NNMT: variants seen among roughly 807,000 people sequenced by gnomAD.
NNMT encodes the protein nicotinamide N-methyltransferase.
In NNMT, 10 loss-of-function variants were observed where a neutral mutation model predicts 11.7. That is an observed-to-expected ratio of 0.85 (90% confidence interval 0.53 to 1.45). The LOEUF (loss-of-function observed/expected upper bound fraction) is 1.45. NNMT is among the 40% of genes most tolerant of loss of function. NNMT has a pLI of 0.00. For missense variants in NNMT, 381 were observed against 319.4 expected (o/e 1.19, Z -1.47); for synonymous variants, 143 against 133.8 (o/e 1.07, Z -0.48).
chr11:114,274,745 G>A (rs1028065445), intron 2 of NNMT, among the ~76,000 whole-genome samples: 2 of 152,234 alleles, frequency 1.3e-5, no homozygotes, highest in African/African-American at 4.8e-5. Context: ...GCCAAGATCT[G>A]AGCCCAAGCA....
upstream of NNMT, among the ~76,000 whole-genome samples, chr11:114,294,059 C>T (rs912152097): frequency 1.3e-5 from 2 of 152,108 alleles, no homozygotes; most frequent in African/African-American, 4.8e-5. Context: ...TGCATGTTCT[C>T]ACTTATTTAT....
chr11:114,291,866 A>G (rs957622351), upstream of NNMT, among the ~76,000 whole-genome samples: 3 of 152,080 alleles, frequency 2.0e-5, no homozygotes, highest in Non-Finnish European at 4.4e-5. Flanking sequence ...ACTAAATTTT[A>G]TATTAATAAT....
chr11:114,296,728 A>C lies in NNMT; in HGVS notation c.154+18A>C. On this transcript the variant is annotated intron_variant, in intron 1 of 2. Coordinates refer to ENST00000299964, the MANE Select transcript of NNMT (RefSeq NM_006169.3). ...CTGCCTAGGTAAGTCTGTTGTCTGC[A>C]TGTCTCCCCACTAATGTGAGTCATA... The C allele has an allele frequency of 1.2e-6, 2 of 1,613,356 alleles. No individual in the cohort carries two copies. Among genetic ancestry groups the C allele is most frequent in the African/African-American group, 1.3e-5 (1 of 75,028 alleles).
chr11:114,281,163 T>A (rs550017119), intron 2 of NNMT, among the ~76,000 whole-genome samples: 12 of 152,244 alleles, frequency 7.9e-5, no homozygotes, highest in African/African-American at 2.6e-4. Flanking sequence ...CTCTCTGCTG[T>A]AGTAAAAACC....
upstream of NNMT, among the ~76,000 whole-genome samples, chr11:114,292,850 C>T (rs1229074138): frequency 6.6e-6 from 1 of 152,104 alleles, no homozygotes; most frequent in African/African-American, 2.4e-5. Flanking sequence ...TATGCTATAT[C>T]ACCACTATGT....
At chr11:114,294,424 GC>G (rs1293087256), upstream of NNMT, among the ~76,000 whole-genome samples, 1 of 147,360 alleles carries the variant, frequency 6.8e-6, no homozygotes, top group Non-Finnish European at 1.5e-5. Flanking sequence ...GTTGCAGTGA[GC>G]TGAGATCGCG....
In NNMT at chr11:114,312,893, C is replaced by G. The variant is rs1945567667; in HGVS notation, c.*416C>G. ...CTATTCTTTAACTCTTGCCTTCTCC[C>G]TGGAGAGGCTACCAAACCCTGGCCT... On this transcript the variant is annotated 3_prime_UTR_variant, in exon 3 of 3. Transcript: ENST00000299964. The G allele has an allele frequency of 5.9e-6, 1 of 168,402 alleles. No homozygotes were observed. The highest frequency in any genetic ancestry group is 2.4e-5 in the African/African-American group (1 of 41,922). The allele number at this position is 168,402 out of a possible 1,614,324, so 10.4% of individuals were successfully genotyped here.
At chr11:114,259,297 C>T (rs1035807078) in intron 1 of NNMT, among the ~76,000 whole-genome samples, 3 of 151,986 alleles carry the variant, frequency 2.0e-5, no homozygotes, top group South Asian at 2.1e-4. Flanking sequence ...ACATCACATG[C>T]CCGCTCGGGC....
At chr11:114,281,096 T>C (rs182635340) in intron 2 of NNMT, among the ~76,000 whole-genome samples, 135 of 152,260 alleles carry the variant, frequency 8.9e-4, no homozygotes, top group Non-Finnish European at 1.5e-3. Flanking sequence ...GCTGCCTGGA[T>C]GACAGACCGA....
rs542693002 is a variant in NNMT, at chr11:114,307,699, A to G, written c.363-4346A>G. On this transcript the variant is annotated intron_variant, in intron 2 of 2. Coordinates refer to ENST00000299964, the MANE Select transcript of NNMT (RefSeq NM_006169.3). ...CTGCCAACCTATTTCCCCACAATCCAGCCACGTTGGCTCTCTCCTCCTGTG... is the reference window on the plus strand; with the variant it reads ...CTGCCAACCTATTTCCCCACAATCCGGCCACGTTGGCTCTCTCCTCCTGTG... Among the ~76,000 whole-genome samples the G allele has an allele frequency of 2.1e-4, 32 of 152,042 alleles. No individual in the cohort carries two copies. In the East Asian group the frequency reaches 4.7e-3, roughly 22 times the overall value.
intron 2 of NNMT, among the ~76,000 whole-genome samples, chr11:114,274,247 TCGATACTGA>T (rs1441867837): frequency 3.3e-5 from 5 of 152,274 alleles, no homozygotes; most frequent in African/African-American, 1.2e-4. Context: ...GAGCCATGCT[TCGATACTGA>T]CGATTTAGAA....
Position 114,312,649 on chromosome 11 carries a change from G to A in NNMT, c.*172G>A. 1 of 604,696 alleles carries A rather than the reference G, an allele frequency of 1.7e-6. No individual in the cohort carries two copies. The highest frequency in any genetic ancestry group is 2.9e-6 in the Non-Finnish European group (1 of 348,478). The allele number at this position is 604,696 out of a possible 1,614,324, so 37.5% of individuals were successfully genotyped here. ...CAAGCAATCCATTGACCACTTACTT[G>A]GTGCTGCACACAAATGTTGGTGCTA... is the stretch of plus-strand genomic sequence containing the variant. On this transcript the variant is annotated 3_prime_UTR_variant, in exon 3 of 3. Coordinates refer to ENST00000299964, the MANE Select transcript of NNMT (RefSeq NM_006169.3).
chr11:114,279,961 G>A (rs1037034303), intron 2 of NNMT, among the ~76,000 whole-genome samples: 1 of 152,140 alleles, frequency 6.6e-6, no homozygotes, highest in Admixed American at 6.6e-5. Flanking sequence ...AGGTGGTGGT[G>A]GACTAGGGCG....
intron 2 of NNMT, among the ~76,000 whole-genome samples, chr11:114,301,425 A>G (rs753113825): frequency 6.6e-5 from 10 of 152,238 alleles, no homozygotes; most frequent in Non-Finnish European, 1.2e-4. Flanking sequence ...AGACAATGGA[A>G]TAATATCCAG....
At chr11:114,307,098 T>A (rs1294840493) in intron 2 of NNMT, among the ~76,000 whole-genome samples, 1 of 152,148 alleles carries the variant, frequency 6.6e-6, no homozygotes, top group Non-Finnish European at 1.5e-5. Flanking sequence ...CAAGGATGCC[T>A]CTCTCTTAAA....
chr11:114,258,335 G>T (rs505978), intron 1 of NNMT, among the ~76,000 whole-genome samples: 48,154 of 152,164 alleles, frequency 0.32, 7,982 homozygotes, highest in East Asian at 0.55. Flanking sequence ...CCTCCCAGTC[G>T]CTCTGAGGAA....
intron 2 of NNMT, chr11:114,269,363 A>G (rs1042647135): frequency 6.6e-6 from 1 of 152,082 alleles, no homozygotes; most frequent in African/African-American, 2.4e-5. Context: ...AGAAAATCCA[A>G]CTTCTGGGCA....
At chr11:114,289,911 T>C (rs1237987447) in intron 2 of NNMT, among the ~76,000 whole-genome samples, 1 of 152,302 alleles carries the variant, frequency 6.6e-6, no homozygotes, top group Non-Finnish European at 1.5e-5. Flanking sequence ...AAGTACAAGA[T>C]TGAGGCACCA....
intron 2 of NNMT, among the ~76,000 whole-genome samples, chr11:114,303,935 A>G (rs1455478233): frequency 6.6e-6 from 1 of 152,106 alleles, no homozygotes; most frequent in African/African-American, 2.4e-5. Flanking sequence ...GCCTATTTTC[A>G]TATGCATTTT....
Sources: allele counts gnomAD v4.1 joint callset (sites outside exome capture counted in the v4.1 genomes callset), GRCh38; gene constraint gnomAD v4.1.1; transcripts MANE v1.5; gene names NCBI Gene and HGNC (gene_info 2026-07-23, HGNC 2026-07-21).